AACS: variants seen among roughly 807,000 people sequenced by gnomAD.
AACS encodes acetoacetate-CoA ligase.
A neutral mutation model predicts 83.1 loss-of-function variants in AACS; 69 were observed. That is an observed-to-expected ratio of 0.83 (90% confidence interval 0.68 to 1.01). AACS has a LOEUF of 1.01. Ranked by LOEUF, AACS falls within the 50% of genes least tolerant of loss-of-function variation. The pLI is 0.00. For missense variants in AACS, 866 were observed against 882.2 expected (o/e 0.98, Z 0.23); for synonymous variants, 333 against 343.4 (o/e 0.97, Z 0.33).
At chr12:125,084,543 A>G (rs1956283632) in intron 3 of AACS, among the ~76,000 whole-genome samples, 2 of 151,268 alleles carry the variant, frequency 1.3e-5, no homozygotes, top group South Asian at 4.2e-4. Flanking sequence ...AGCTAGGGCT[A>G]CAGGTATACA....
chr12:125,109,381 G>C (rs1429894384), intron 8 of AACS, among the ~76,000 whole-genome samples: 1 of 152,144 alleles, frequency 6.6e-6, no homozygotes, highest in Admixed American at 6.5e-5. Flanking sequence ...CCTCCTGAGT[G>C]CTGGAATTAC....
chr12:125,116,712 G>T (rs1361901213), intron 9 of AACS, among the ~76,000 whole-genome samples: 1 of 152,040 alleles, frequency 6.6e-6, no homozygotes, highest in Non-Finnish European at 1.5e-5. Context: ...TGATCCGCCT[G>T]CCTCGGCCTC....
chr12:125,123,482 T>G (rs34624329), intron 10 of AACS: 74,920 of 152,028 alleles, frequency 0.49, 19,729 homozygotes, highest in African/African-American at 0.69. Context: ...TGGCAGGGTG[T>G]GTCTGGGGAA....
Position 125,118,742 on chromosome 12 carries a change from C to T in AACS, c.1098C>T (p.Leu366=). ...CCCTGGTGCCCACGCCCAATGTGCTCTGGGACCTGGTTGACAGGATAGGGT... is the reference window on the plus strand; with the variant it reads ...CCCTGGTGCCCACGCCCAATGTGCTTTGGGACCTGGTTGACAGGATAGGGT... The part of the protein sequence containing the change: ...GSPLVPTPNV[L]WDLVDRIGIT... The change falls in exon 10 of 18, where the codon CTC becomes CTT. Residue 366 remains leucine, a synonymous_variant. Coordinates refer to ENST00000316519, the MANE Select transcript of AACS (RefSeq NM_023928.5). 3 of 1,614,172 alleles carry T rather than the reference C, an allele frequency of 1.9e-6. No individual in the cohort carries two copies. Among genetic ancestry groups the T allele is most frequent in the South Asian group, 2.2e-5 (2 of 91,072 alleles).
intron 12 of AACS, among the ~76,000 whole-genome samples, chr12:125,125,455 G>A (rs1470143012): frequency 6.6e-6 from 1 of 152,172 alleles, no homozygotes; most frequent in Non-Finnish European, 1.5e-5. Context: ...TCCTGTGTGT[G>A]AGAGCAAGGC....
intron 10 of AACS, chr12:125,121,131 GGAT>G: frequency 6.6e-6 from 1 of 152,404 alleles, no homozygotes; most frequent in Non-Finnish European, 1.5e-5. Flanking sequence ...GGCTCCCTCT[GGAT>G]GTGGCCATCG....
intron 4 of AACS, among the ~76,000 whole-genome samples, chr12:125,086,834 G>A (rs1166276308): frequency 1.3e-5 from 2 of 151,222 alleles, no homozygotes; most frequent in South Asian, 2.1e-4. Flanking sequence ...GCTTGCTGGA[G>A]GGATGAAGGC....
intron 5 of AACS, among the ~76,000 whole-genome samples, chr12:125,098,149 G>T (rs1956650992): frequency 6.6e-6 from 1 of 152,086 alleles, no homozygotes; most frequent in South Asian, 2.1e-4. Flanking sequence ...TCTTTAGAGG[G>T]CTGGGCTGGG....
intron 16 of AACS, 91 bp downstream of exon 16, chr12:125,134,943 T>C: frequency 6.9e-7 from 1 of 1,438,918 alleles, no homozygotes; most frequent in Non-Finnish European, 9.7e-7. Context: ...TTGGCACAAC[T>C]CTGGCCCCTT....
intron 7 of AACS, chr12:125,105,472 G>C (rs558854519): frequency 6.6e-6 from 1 of 152,312 alleles, no homozygotes; most frequent in East Asian, 1.9e-4. Context: ...CGGATTTTGT[G>C]CCCCAGGTGT....
chr12:125,068,141 G>T (rs1446484139), intron 1 of AACS, among the ~76,000 whole-genome samples: 1 of 152,158 alleles, frequency 6.6e-6, no homozygotes, highest in Non-Finnish European at 1.5e-5. Context: ...CAGACACACT[G>T]TTGAGTTGCC....
At chr12:125,103,197 G>T in intron 7 of AACS, 116 bp downstream of exon 7, 4 of 849,290 alleles carry the variant, frequency 4.7e-6, no homozygotes, top group South Asian at 1.6e-5. Flanking sequence ...AAGTGGAGGA[G>T]GTTTTAGTTA....
At chr12:125,096,390 C>T (rs936495246) in intron 5 of AACS, among the ~76,000 whole-genome samples, 1 of 152,238 alleles carries the variant, frequency 6.6e-6, no homozygotes, top group Non-Finnish European at 1.5e-5. Context: ...CAAGAACTCT[C>T]GGTCCATCTT....
In AACS at chr12:125,065,688, C is replaced by T. The variant is rs1323858639; in HGVS notation, c.104C>T (p.Ala35Val). Residue 35 changes from alanine (A) to valine (V), a missense_variant, in exon 1 of 18, where the codon GCT becomes GTT. Coordinates refer to ENST00000316519, the MANE Select transcript of AACS (RefSeq NM_023928.5). ...KNTQMDRFRAAVGAACGLALE... is the reference protein window; with the variant it reads ...KNTQMDRFRAVVGAACGLALE... ...ACGCAGATGGACCGCTTCCGGGCGG[C>T]TGTGGGCGCCGCCTGCGGCCTGGCG... is the stretch of plus-strand genomic sequence containing the variant. 1.3e-6 allele frequency: 2 copies of T among 1,542,680 alleles called. No homozygotes were observed. Among genetic ancestry groups the T allele is most frequent in the East Asian group, 2.5e-5 (1 of 39,924 alleles).
intron 10 of AACS, chr12:125,124,484 C>T (rs993963224): frequency 2.9e-5 from 17 of 578,524 alleles, no homozygotes; most frequent in Non-Finnish European, 4.6e-5. Context: ...AGGGAGCTGG[C>T]CCTGCGTGCT....
chr12:125,088,224 CTTTTTTT>C (rs57107480), intron 4 of AACS, among the ~76,000 whole-genome samples: 1 of 131,488 alleles, frequency 7.6e-6, no homozygotes, highest in Non-Finnish European at 1.6e-5. Flanking sequence ...TCAGAGCAGA[CTTTTTTT>C]TTTTTTTTTT....
intron 8 of AACS, among the ~76,000 whole-genome samples, chr12:125,112,233 C>T (rs1956967869): frequency 6.6e-6 from 1 of 152,058 alleles, no homozygotes. Context: ...TTTTGAGTGC[C>T]TGGGGAAGGG....
At chr12:125,133,798 G>A (rs536277803) in intron 14 of AACS, among the ~76,000 whole-genome samples, 2 of 152,342 alleles carry the variant, frequency 1.3e-5, no homozygotes, top group Non-Finnish European at 2.9e-5. Flanking sequence ...CTCGCCGGCG[G>A]TGTCAGAGCT....
intron 14 of AACS, among the ~76,000 whole-genome samples, chr12:125,132,424 C>T (rs1046816207): frequency 1.8e-4 from 27 of 152,144 alleles, no homozygotes; most frequent in Middle Eastern, 3.2e-3. Context: ...TTGCTGGCAC[C>T]GAAGTGCCAG....
Sources: allele counts gnomAD v4.1 joint callset (sites outside exome capture counted in the v4.1 genomes callset), GRCh38; gene constraint gnomAD v4.1.1; transcripts MANE v1.5; gene names NCBI Gene and HGNC (gene_info 2026-07-23, HGNC 2026-07-21).